CCDC18: variants seen among roughly 807,000 people sequenced by gnomAD.
CCDC18 encodes the protein coiled-coil domain containing 18.
Under a neutral mutation model 196.0 loss-of-function variants are expected in CCDC18, and 157 were observed. The observed-to-expected ratio is 0.80, with a 90% CI of 0.70 to 0.91. CCDC18 has a LOEUF of 0.91. CCDC18 is among the 40% of genes least tolerant of loss of function. The probability of loss-of-function intolerance (pLI) is 0.00; values close to 1 mark genes in which losing one functional copy is unlikely to be tolerated. For synonymous variants in CCDC18, 482 were observed against 529.2 expected (o/e 0.91, Z 1.22); for missense variants, 1,465 against 1,611.6 (o/e 0.91, Z 1.56).
chr1:93,186,322 T>G, intron 3 of CCDC18, 23 bp from the exon 4 acceptor site: 1 of 1,595,924 alleles, frequency 6.3e-7, no homozygotes, highest in Non-Finnish European at 8.6e-7. Flanking sequence ...TGAAAATATA[T>G]TTGTTCTTTT....
chr1:93,246,878 A>T lies in CCDC18; in HGVS notation c.3122A>T (p.Glu1041Val). 1 of 1,552,178 alleles carries T rather than the reference A, an allele frequency of 6.4e-7. No homozygotes were observed. Residue 1041 changes from glutamate to valine, a missense_variant, in exon 23 of 29, where the codon GAA becomes GTA. Glu to Val is a moderately radical substitution (Grantham distance 121). Coordinates refer to ENST00000690025, the MANE Select transcript of CCDC18 (RefSeq NM_001378204.1). ...ATGACTATTCGTGAGCACAGAGGAG[A>T]AATGGAACAAAAAATAATTAAATTA... ...LDMTIREHRG[E>V]MEQKIIKLEG...
intron 6 of CCDC18, among the ~76,000 whole-genome samples, chr1:93,200,458 T>C (rs962742907): frequency 6.0e-5 from 9 of 150,950 alleles, no homozygotes; most frequent in Admixed American, 5.9e-4. Flanking sequence ...CCGGGCAAAA[T>C]AGCAAGACCC....
At chr1:93,266,051 A>G (rs1033811925) in intron 27 of CCDC18, among the ~76,000 whole-genome samples, 1 of 152,208 alleles carries the variant, frequency 6.6e-6, no homozygotes, top group Non-Finnish European at 1.5e-5. Context: ...GAAATAAAGC[A>G]TTCTTCAGCA....
chr1:93,203,143 G>C (rs1298493262), intron 7 of CCDC18, among the ~76,000 whole-genome samples: 1 of 152,130 alleles, frequency 6.6e-6, no homozygotes, highest in Non-Finnish European at 1.5e-5. Context: ...GAGCTGAGTA[G>C]GTAGCTATGA....
intron 9 of CCDC18, among the ~76,000 whole-genome samples, chr1:93,208,950 C>T (rs1275988464): frequency 6.6e-6 from 1 of 152,052 alleles, no homozygotes; most frequent in Non-Finnish European, 1.5e-5. Flanking sequence ...GGGCGTGAGC[C>T]ACCATGCCCG....
At chr1:93,268,968 C>T (rs890511271) in intron 27 of CCDC18, among the ~76,000 whole-genome samples, 7 of 151,962 alleles carry the variant, frequency 4.6e-5, no homozygotes, top group African/African-American at 9.7e-5. Flanking sequence ...TATAAAGACA[C>T]ATGCACATGT....
chr1:93,254,177 T>A (rs985046664), intron 23 of CCDC18, among the ~76,000 whole-genome samples: 1 of 152,132 alleles, frequency 6.6e-6, no homozygotes, highest in African/African-American at 2.4e-5. Flanking sequence ...TTCAATCGCT[T>A]TTGGGGTACA....
Position 93,216,745 on chromosome 1 carries a change from T to C in CCDC18, c.1829T>C (p.Met610Thr). The change falls in exon 13 of 29, where the codon ATG (methionine) becomes ACG (threonine). Residue 610 changes from methionine to threonine, a missense_variant and splice_region_variant. Physicochemically the swap from Met to Thr is moderately conservative, Grantham distance 81. Transcript: ENST00000690025. ...AKNAELEQEL[M>T]EKNEKIRSLE... ...AATGCAGAACTAGAACAGGAGCTTATGGTAAAACTTATCTTTGTTCCTACA... is the reference window on the plus strand; with the variant it reads ...AATGCAGAACTAGAACAGGAGCTTACGGTAAAACTTATCTTTGTTCCTACA... The C allele has an allele frequency of 1.4e-6, 2 of 1,475,478 alleles. No homozygotes were observed. The highest frequency in any genetic ancestry group is 2.3e-5 in the East Asian group (1 of 42,642). The allele number at this position is 1,475,478 out of a possible 1,614,324, so 91.4% of individuals were successfully genotyped here.
chr1:93,217,967 CAA>C, intron 14 of CCDC18, 98 bp downstream of exon 14: 1 of 1,014,608 alleles, frequency 9.9e-7, no homozygotes, highest in Non-Finnish European at 1.5e-6. Flanking sequence ...CAAAGATACA[CAA>C]AAGTTAGTGG....
chr1:93,201,616 GA>G (rs201439689), intron 6 of CCDC18, among the ~76,000 whole-genome samples: 12 of 148,958 alleles, frequency 8.1e-5, no homozygotes, highest in Non-Finnish European at 9.0e-5. Flanking sequence ...TCCAGATAGG[GA>G]AAAAAAAAAT....
chr1:93,193,737 G>GTT lies in CCDC18; in HGVS notation c.691_692insTT (p.Gly231ValfsTer19). On this transcript the variant is annotated frameshift_variant, in exon 6 of 29. Coordinates refer to ENST00000690025, the MANE Select transcript of CCDC18 (RefSeq NM_001378204.1). LOFTEE classifies it high-confidence loss of function. ...GGACTTACTTGAACAAACCAAACAA[G>GTT]GAAAAAGGTATGTGTTTTTAAAGCA... 1.3e-6 allele frequency: 2 copies of GTT among 1,552,558 alleles called. No homozygotes were observed. The highest frequency in any genetic ancestry group is 1.7e-6 in the Non-Finnish European group (2 of 1,156,750).
intron 8 of CCDC18, 93 bp from the exon 9 acceptor site, chr1:93,207,014 G>C (rs1292330763): frequency 1.4e-6 from 1 of 700,896 alleles, no homozygotes; most frequent in Non-Finnish European, 2.2e-6. Context: ...TTAGAATTAA[G>C]CTTCAAAAAA....
chr1:93,209,614 A>G (rs1475197697), intron 9 of CCDC18, among the ~76,000 whole-genome samples: 1 of 152,222 alleles, frequency 6.6e-6, no homozygotes, highest in Non-Finnish European at 1.5e-5. Context: ...TAGAATTTAA[A>G]CTAGAACATA....
At chr1:93,271,935 A>G (rs989972189) in intron 28 of CCDC18, among the ~76,000 whole-genome samples, 1 of 143,492 alleles carries the variant, frequency 7.0e-6, no homozygotes, top group African/African-American at 3.0e-5. Flanking sequence ...TTTTGAACTA[A>G]TTACTTTCTC....
At chr1:93,180,456 A>G, upstream of CCDC18, 1 of 1,403,676 alleles carries the variant, frequency 7.1e-7, no homozygotes, top group Non-Finnish European at 9.7e-7. Context: ...CCTATTCCGC[A>G]ACCGCCTCAG....
chr1:93,220,222 T>G (rs539310920), intron 14 of CCDC18, among the ~76,000 whole-genome samples: 1 of 152,278 alleles, frequency 6.6e-6, no homozygotes, highest in East Asian at 1.9e-4. Context: ...CATAAGAAGA[T>G]GGAACAACAT....
At chr1:93,262,803 C>T (rs972050768) in intron 26 of CCDC18, among the ~76,000 whole-genome samples, 2 of 152,142 alleles carry the variant, frequency 1.3e-5, no homozygotes, top group Non-Finnish European at 2.9e-5. Context: ...TCCAACCTCA[C>T]ATTTCTCCTC....
intron 13 of CCDC18, among the ~76,000 whole-genome samples, chr1:93,217,129 G>C (rs1303048613): frequency 7.8e-6 from 1 of 128,584 alleles, no homozygotes; most frequent in Non-Finnish European, 1.5e-5. Context: ...GTAGAGACAG[G>C]TTTCACCGTG....
At chr1:93,231,339 C>G (rs920276178) in intron 17 of CCDC18, among the ~76,000 whole-genome samples, 1 of 152,072 alleles carries the variant, frequency 6.6e-6, no homozygotes, top group Non-Finnish European at 1.5e-5. Flanking sequence ...AGCCCATTCT[C>G]TAATACTTCA....
Sources: gnomAD v4.1 joint callset for allele counts (sites outside exome capture counted in the v4.1 genomes callset) on GRCh38, gnomAD v4.1.1 for gene constraint, MANE v1.5 for transcripts, NCBI Gene and HGNC (gene_info 2026-07-23, HGNC 2026-07-21) for gene names.